Variants in DYNC1I1 observed in about 807,000 individuals in gnomAD.
DYNC1I1 encodes the protein cytoplasmic dynein 1 intermediate chain 1.
In DYNC1I1, 43 loss-of-function variants were observed where a neutral mutation model predicts 86.6. The ratio of observed to expected loss-of-function variants is 0.50; its 90% CI spans 0.39 to 0.64. The LOEUF is 0.64. Among genes scored for constraint, DYNC1I1 ranks in the 30% least tolerant of loss-of-function variants. The pLI is 0.00. For missense variants in DYNC1I1, 604 were observed against 788.8 expected (o/e 0.77, Z 2.81); for synonymous variants, 262 against 283.7 (o/e 0.92, Z 0.77).
chr7:95,799,007 A>C (rs1794513483), intron 1 of DYNC1I1, among the ~76,000 whole-genome samples: 1 of 152,126 alleles, frequency 6.6e-6, no homozygotes, highest in African/African-American at 2.4e-5. Flanking sequence ...AATTGATTTT[A>C]GTTTTATTTC....
chr7:96,102,798 A>C (rs1791154448), downstream of DYNC1I1, among the ~76,000 whole-genome samples: 1 of 152,190 alleles, frequency 6.6e-6, no homozygotes, highest in Admixed American at 6.5e-5. Context: ...GTAGTGGCCC[A>C]TGGGATTCTA....
At chr7:95,964,519 A>G (rs1792956738) in intron 6 of DYNC1I1, among the ~76,000 whole-genome samples, 1 of 152,188 alleles carries the variant, frequency 6.6e-6, no homozygotes, top group South Asian at 2.1e-4. Context: ...GCCATCTCCC[A>G]TATGCCCAGC....
At chr7:95,835,302 T>C (rs938757072) in intron 5 of DYNC1I1, among the ~76,000 whole-genome samples, 3 of 122,448 alleles carry the variant, frequency 2.5e-5, no homozygotes, top group Non-Finnish European at 5.0e-5. Flanking sequence ...TTCTTAATCC[T>C]GAGTTCTAGT....
At chr7:95,921,172 T>C (rs1425850389) in intron 6 of DYNC1I1, among the ~76,000 whole-genome samples, 1 of 152,186 alleles carries the variant, frequency 6.6e-6, no homozygotes, top group Non-Finnish European at 1.5e-5. Flanking sequence ...AAGTTAAATA[T>C]ATTTCCTTTG....
intron 10 of DYNC1I1, among the ~76,000 whole-genome samples, chr7:95,998,042 C>T (rs1297761028): frequency 1.3e-5 from 2 of 152,154 alleles, no homozygotes; most frequent in Admixed American, 1.3e-4. Context: ...ATTTGGTTAC[C>T]TTTGTACTAA....
rs184123017 is a variant in DYNC1I1 at position 95,822,147 on chromosome 7, T to C, written c.315-5910T>C. ...TATGTCTTTCACTCCTAAGTTACAC[T>C]TTCAACAGATGGCCAAGGATATTTT... On this transcript the variant is annotated intron_variant, in intron 4 of 16. Coordinates refer to ENST00000447467, the MANE Select transcript of DYNC1I1 (RefSeq NM_001135556.2). 4.8e-3 allele frequency among the ~76,000 whole-genome samples: 735 copies of C among 152,334 alleles called. 5 individuals are homozygous for C. Among genetic ancestry groups the C allele is most frequent in the African/African-American group, 0.017 (695 of 41,580 alleles).
chr7:96,036,661 T>C (rs1794934240), intron 13 of DYNC1I1, among the ~76,000 whole-genome samples: 1 of 152,150 alleles, frequency 6.6e-6, no homozygotes, highest in Admixed American at 6.6e-5. Flanking sequence ...GATAAAGAAA[T>C]GATATATAAT....
intron 14 of DYNC1I1, among the ~76,000 whole-genome samples, chr7:96,070,647 A>G (rs940957848): frequency 6.6e-6 from 1 of 151,950 alleles, no homozygotes; most frequent in South Asian, 2.1e-4. Context: ...CCACCTACCC[A>G]CCCAAAGATA....
At chr7:96,081,925 AAT>A (rs869218884) in intron 16 of DYNC1I1, among the ~76,000 whole-genome samples, 1 of 147,864 alleles carries the variant, frequency 6.8e-6, no homozygotes, top group Non-Finnish European at 1.5e-5. Context: ...AAAAAAAAAA[AAT>A]CTCTTGCTTT....
At chr7:95,892,422 C>T (rs974762357) in intron 6 of DYNC1I1, among the ~76,000 whole-genome samples, 9 of 151,712 alleles carry the variant, frequency 5.9e-5, no homozygotes, top group South Asian at 2.1e-4. Context: ...GCCATTCTCC[C>T]GCCTCAGCCT....
At chr7:96,082,324 T>C (rs1790549344) in intron 16 of DYNC1I1, among the ~76,000 whole-genome samples, 1 of 152,140 alleles carries the variant, frequency 6.6e-6, no homozygotes, top group Non-Finnish European at 1.5e-5. Flanking sequence ...TTTCTTCCTT[T>C]CTTCCTTTCT....
chr7:95,953,628 C>T (rs1584194851), intron 6 of DYNC1I1, among the ~76,000 whole-genome samples: 1 of 152,134 alleles, frequency 6.6e-6, no homozygotes, highest in African/African-American at 2.4e-5. Context: ...CTAGAAAGAA[C>T]TGTCAATCAC....
intron 16 of DYNC1I1, among the ~76,000 whole-genome samples, chr7:96,096,440 C>CAAG (rs1791008904): frequency 6.6e-6 from 1 of 152,028 alleles, no homozygotes; most frequent in African/African-American, 2.4e-5. Flanking sequence ...CGTAAAACTC[C>CAAG]AAGAAAATGC....
At chr7:95,782,955 C>A (rs544817330) in intron 1 of DYNC1I1, among the ~76,000 whole-genome samples, 4 of 152,322 alleles carry the variant, frequency 2.6e-5, no homozygotes, top group African/African-American at 9.6e-5. Flanking sequence ...CTCTCTGCCA[C>A]TCTGCCACTC....
At chr7:95,938,432 G>T (rs1433831008) in intron 6 of DYNC1I1, among the ~76,000 whole-genome samples, 1 of 152,166 alleles carries the variant, frequency 6.6e-6, no homozygotes, top group Non-Finnish European at 1.5e-5. Context: ...TTGGCAGGGA[G>T]CAGGGGAAGG....
intron 10 of DYNC1I1, among the ~76,000 whole-genome samples, chr7:95,999,591 A>T (rs901744314): frequency 1.3e-5 from 2 of 152,190 alleles, no homozygotes; most frequent in Non-Finnish European, 2.9e-5. Context: ...ACACGGCCTC[A>T]GCTGCCCAGT....
chr7:96,076,216 G>T lies in DYNC1I1; in HGVS notation c.1650+19G>T, dbSNP rs768916227. 5 of 1,612,688 alleles carry T rather than the reference G, an allele frequency of 3.1e-6. No homozygotes were observed. The highest frequency in any genetic ancestry group is 4.2e-6 in the Non-Finnish European group (5 of 1,179,274). ...CACCGAGGTGAGCGGCGGCTCAGGC[G>T]CCCGGGCCGGAGGGCTGGGAGGGGG... On this transcript the variant is annotated intron_variant, in intron 15 of 16. Coordinates refer to ENST00000447467, the MANE Select transcript of DYNC1I1 (RefSeq NM_001135556.2).
chr7:95,835,239 C>T (rs1789045728), intron 5 of DYNC1I1, among the ~76,000 whole-genome samples: 4 of 107,222 alleles, frequency 3.7e-5, no homozygotes, highest in Non-Finnish European at 5.5e-5. Flanking sequence ...ACCCAGTAGT[C>T]ATTCAGGAGC....
intron 6 of DYNC1I1, among the ~76,000 whole-genome samples, chr7:95,905,669 T>C (rs1373821836): frequency 2.0e-5 from 3 of 151,880 alleles, no homozygotes; most frequent in Non-Finnish European, 4.4e-5. Flanking sequence ...GGATAGGGAC[T>C]GGACTTCTAC....
Sources: allele counts gnomAD v4.1 joint callset (sites outside exome capture counted in the v4.1 genomes callset), GRCh38; gene constraint gnomAD v4.1.1; transcripts MANE v1.5; gene names NCBI Gene and HGNC (gene_info 2026-07-23, HGNC 2026-07-21).